MYLK2: variants seen among roughly 807,000 people sequenced by gnomAD.
MYLK2 encodes the protein myosin light chain kinase 2, skeletal/cardiac muscle.
In MYLK2, 27 loss-of-function variants were observed where a neutral mutation model predicts 58.2. The observed-to-expected ratio is 0.46, with a 90% CI of 0.34 to 0.64. The LOEUF (loss-of-function observed/expected upper bound fraction) is 0.64. MYLK2 is among the 30% of genes least tolerant of loss of function. MYLK2 has a pLI of 0.01. For synonymous variants in MYLK2, 310 were observed against 296.7 expected (o/e 1.04, Z -0.46); for missense variants, 676 against 764.3 (o/e 0.88, Z 1.36).
At chr20:31,824,491 T>C (rs749401056) in intron 6 of MYLK2, 139 bp downstream of exon 6, 7 of 1,514,260 alleles carry the variant, frequency 4.6e-6, no homozygotes, top group African/African-American at 1.4e-5. Context: ...ACTACACAGA[T>C]AGAGAGATGG....
rs761288375 is a variant in MYLK2, at chr20:31,832,156, G to C, written c.1710+20G>C. ...TGGAAGGTACCGCTGGATTCAGGGT[G>C]GGGAGGGAGGGCTTGCTAGTGGGAA... On this transcript the variant is annotated intron_variant, in intron 12 of 12. Transcript: ENST00000375985. 6.9e-6 allele frequency: 11 copies of C among 1,591,316 alleles called. No homozygotes were observed. The highest frequency in any genetic ancestry group is 9.4e-6 in the Non-Finnish European group (11 of 1,166,336).
chr20:31,822,842 C>T (rs906976713), intron 4 of MYLK2, among the ~76,000 whole-genome samples: 3 of 152,094 alleles, frequency 2.0e-5, no homozygotes, highest in African/African-American at 4.8e-5. Context: ...AGGATCTGAA[C>T]CACCTCCAAA....
chr20:31,820,159 C>T lies in MYLK2; in HGVS notation c.86C>T (p.Pro29Leu), dbSNP rs1272709972. The change falls in exon 3 of 13, where the codon CCC (proline) becomes CTC (leucine). Residue 29 changes from proline (P) to leucine (L), a missense_variant. This residue lies in a region of MYLK2 where 306 missense variants were observed against 296.5 expected (regional missense o/e 1.03). Transcript: ENST00000375985. The part of the protein sequence containing the change: ...KAPKGPTGER[P>L]LAAGKDPGPP... The stretch of plus-strand genomic sequence containing the variant: ...CCTAAAGGTCCCACAGGTGAAAGAC[C>T]CCTGGCTGCAGGGAAAGACCCTGGC... The T allele has an allele frequency of 1.2e-6, 2 of 1,613,932 alleles. No homozygotes were observed. The highest frequency in any genetic ancestry group is 2.2e-5 in the South Asian group (2 of 91,080).
chr20:31,830,941 G>A, intron 9 of MYLK2, 52 bp downstream of exon 9: 9 of 1,563,546 alleles, frequency 5.8e-6, no homozygotes, highest in Non-Finnish European at 7.8e-6. Flanking sequence ...GTTGGCAGGG[G>A]ACAGGGGTGG....
intron 5 of MYLK2, 97 bp downstream of exon 5, chr20:31,823,679 C>A: frequency 8.4e-7 from 1 of 1,193,030 alleles, no homozygotes; most frequent in East Asian, 2.4e-5. Context: ...GACACACACC[C>A]CGCTGAGACA....
At chr20:31,828,185 G>A (rs1159509129) in intron 8 of MYLK2, 7 of 985,274 alleles carry the variant, frequency 7.1e-6, no homozygotes, top group Non-Finnish European at 8.4e-6. Flanking sequence ...ACCGTGCCTG[G>A]CCACAGATAG....
At position 31,824,298 on chromosome 20, in the gene MYLK2, C is replaced by T. The variant is rs41293106; in HGVS notation, c.918C>T (p.Ala306=). 27,126 of 1,613,686 alleles carry T rather than the reference C, an allele frequency of 0.017. 319 individuals are homozygous for T. Among genetic ancestry groups the T allele is most frequent in the Non-Finnish European group, 0.021 (24,255 of 1,179,830 alleles). Reference sequence around the variant, plus strand: ...CAGTCTGTACCTGCATGGAGAAAGCCACAGGCCTCAAGCTGGCAGCCAAGG... The same window carrying T: ...CAGTCTGTACCTGCATGGAGAAAGCTACAGGCCTCAAGCTGGCAGCCAAGG... ...FGAVCTCMEK[A]TGLKLAAKVI... The change falls in exon 6 of 13, where the codon GCC becomes GCT. Residue 306 remains alanine (A), a synonymous_variant. Coordinates refer to ENST00000375985, the MANE Select transcript of MYLK2 (RefSeq NM_033118.4).
Position 31,824,254 on chromosome 20 carries a change from T to C in MYLK2, c.879-5T>C. 1 of 1,613,012 alleles carries C rather than the reference T, an allele frequency of 6.2e-7. No individual in the cohort carries two copies. On this transcript the variant is annotated splice_region_variant and splice_polypyrimidine_tract_variant and intron_variant, in intron 5 of 12. Coordinates refer to ENST00000375985, the MANE Select transcript of MYLK2 (RefSeq NM_033118.4). ...CCCCTCACTTACAGCCTCTTCTCTT[T>C]CCAGTGGCAAGTTTGGGGCAGTCTG... is the stretch of plus-strand genomic sequence containing the variant.
intron 10 of MYLK2, among the ~76,000 whole-genome samples, chr20:31,831,416 A>C (rs1185395398): frequency 6.6e-6 from 1 of 152,012 alleles, no homozygotes; most frequent in Non-Finnish European, 1.5e-5. Flanking sequence ...GACATTTCCT[A>C]TGTGCTCACC....
chr20:31,819,756 C>A, intron 2 of MYLK2, 124 bp downstream of exon 2: 2 of 1,207,568 alleles, frequency 1.7e-6, no homozygotes, highest in Non-Finnish European at 2.4e-6. Context: ...CACGGGGGAC[C>A]CAGAAATCAG....
At chr20:31,830,729 C>A in intron 8 of MYLK2, 90 bp from the exon 9 acceptor site, 1 of 1,368,782 alleles carries the variant, frequency 7.3e-7, no homozygotes, top group East Asian at 2.3e-5. Flanking sequence ...TGGGCCTCTG[C>A]CTCAAGGAGC....
intron 12 of MYLK2, among the ~76,000 whole-genome samples, chr20:31,833,277 C>T (rs965393529): frequency 2.6e-4 from 39 of 151,964 alleles, no homozygotes; most frequent in African/African-American, 8.9e-4. Context: ...AAGAGTATTC[C>T]GGGCAGAGGG....
chr20:31,824,185 G>A, intron 5 of MYLK2, 74 bp from the exon 6 acceptor site: 1 of 1,564,368 alleles, frequency 6.4e-7, no homozygotes, highest in South Asian at 1.2e-5. Flanking sequence ...GACCAAGTTA[G>A]GATCAGAGCA....
chr20:31,820,707 T>C (rs940059367), intron 3 of MYLK2, among the ~76,000 whole-genome samples, 161 bp downstream of exon 3: 5 of 152,198 alleles, frequency 3.3e-5, no homozygotes, highest in African/African-American at 1.2e-4. Flanking sequence ...CTCTACCGCC[T>C]TGTCCCCTGC....
At chr20:31,820,648 G>C in intron 3 of MYLK2, 102 bp downstream of exon 3, 1 of 1,396,472 alleles carries the variant, frequency 7.2e-7, no homozygotes, top group Non-Finnish European at 9.9e-7. Flanking sequence ...CACATTCAGT[G>C]CTGGGGAGTG....
rs774851606 is a variant in MYLK2, at chr20:31,833,752, CAAG to C, written c.1751_1753del (p.Lys584del). On this transcript the variant is annotated inframe_deletion, in exon 13 of 13. Coordinates refer to ENST00000375985, the MANE Select transcript of MYLK2 (RefSeq NM_033118.4). ...TTGCTGTCAGCGCTGCCAACCGCTT[CAAG>C]AAGATCAGCAGCTCGGGGGCACTGA... is the stretch of plus-strand genomic sequence containing the variant. 1.1e-5 allele frequency: 17 copies of C among 1,613,830 alleles called. No individual in the cohort carries two copies. The African/African-American group carries it at 2.3e-4, about 22-fold the overall frequency.
Position 31,820,995 on chromosome 20 carries a change from G to C in MYLK2, c.474-444G>C, listed in dbSNP as rs1237667594. ...AAAGATGACTAATAACCAGATTGGA[G>C]GATCATTGATAATATTTTCATAACC... On this transcript the variant is annotated intron_variant, in intron 3 of 12. Transcript: ENST00000375985. 2.0e-5 allele frequency among the ~76,000 whole-genome samples: 3 copies of C among 152,294 alleles called. No individual in the cohort carries two copies. In the East Asian group the frequency reaches 5.8e-4, roughly 29 times the overall value.
chr20:31,823,361 T>A (rs1403183472), intron 4 of MYLK2, 116 bp from the exon 5 acceptor site: 5 of 869,788 alleles, frequency 5.7e-6, no homozygotes, highest in Admixed American at 2.0e-5. Context: ...CCCCCAGGTA[T>A]CACTTGGTGA....
intron 3 of MYLK2, 36 bp downstream of exon 3, chr20:31,820,582 GT>G: frequency 6.3e-7 from 1 of 1,597,278 alleles, no homozygotes; most frequent in Non-Finnish European, 8.5e-7. Context: ...GAGGGGTCCT[GT>G]GGTTCTGTCC....
Sources: gnomAD v4.1 joint callset for allele counts (sites outside exome capture counted in the v4.1 genomes callset) on GRCh38, gnomAD v4.1.1 for gene constraint, gnomAD v4.1.1 regional missense constraint, MANE v1.5 for transcripts, NCBI Gene and HGNC (gene_info 2026-07-23, HGNC 2026-07-21) for gene names.